ACAP2: variants seen among roughly 807,000 people sequenced by gnomAD.
The protein encoded by ACAP2 is ArfGAP with coiled-coil, ankyrin repeat and PH domains 2.
A neutral mutation model predicts 115.8 loss-of-function variants in ACAP2; 39 were observed. That is an observed-to-expected ratio of 0.34 (90% CI 0.26 to 0.44). The LOEUF (loss-of-function observed/expected upper bound fraction) is 0.44. Ranked by LOEUF, ACAP2 falls within the 20% of genes least tolerant of loss-of-function variation. The probability of loss-of-function intolerance (pLI) is 1.00; values close to 1 mark genes in which losing one functional copy is unlikely to be tolerated. For synonymous variants in ACAP2, 289 were observed against 315.8 expected (o/e 0.92, Z 0.90); for missense variants, 662 against 927.6 (o/e 0.71, Z 3.72).
chr3:195,424,244 GGTGTGTGTGTGTGTGTGTATATA>G (rs1246681103), intron 1 of ACAP2, among the ~76,000 whole-genome samples: 1 of 69,614 alleles, frequency 1.4e-5, no homozygotes, highest in African/African-American at 6.0e-5. Flanking sequence ...GTGTGTGTGT[GGTGTGTGTGTGTGTGTGTATATA>G]TATATATATA....
chr3:195,280,288 A>G (rs1227313176), intron 22 of ACAP2, among the ~76,000 whole-genome samples: 1 of 152,196 alleles, frequency 6.6e-6, no homozygotes, highest in African/African-American at 2.4e-5. Context: ...CCCGGCCAAC[A>G]TGATGAAACC....
intron 22 of ACAP2, among the ~76,000 whole-genome samples, chr3:195,281,131 C>T (rs2108886074): frequency 6.6e-6 from 1 of 152,282 alleles, no homozygotes; most frequent in African/African-American, 2.4e-5. Flanking sequence ...TTTGGCCCGG[C>T]CGGGTGGCTC....
At chr3:195,311,103 G>GT (rs35752425) in intron 10 of ACAP2, among the ~76,000 whole-genome samples, 111,389 of 139,246 alleles carry the variant, frequency 0.8, 44,323 homozygotes, top group Middle Eastern at 0.87. Context: ...TTTTTTTTTT[G>GT]TTTTTTTTTT....
chr3:195,375,482 G>C (rs1311613155), intron 4 of ACAP2, among the ~76,000 whole-genome samples: 2 of 133,274 alleles, frequency 1.5e-5, no homozygotes, highest in Non-Finnish European at 3.1e-5. Context: ...TAAGTGTACA[G>C]CTCTAAATTG....
chr3:195,296,803 T>C (rs1298616236), intron 16 of ACAP2, among the ~76,000 whole-genome samples: 1 of 152,170 alleles, frequency 6.6e-6, no homozygotes, highest in Non-Finnish European at 1.5e-5. Context: ...AAATCTTTGC[T>C]AAATTAAGTA....
chr3:195,398,213 C>T (rs901542875), intron 1 of ACAP2, among the ~76,000 whole-genome samples: 3 of 152,172 alleles, frequency 2.0e-5, no homozygotes, highest in Non-Finnish European at 4.4e-5. Flanking sequence ...TCCAACTCCT[C>T]TAAGAGCCTA....
intron 5 of ACAP2, among the ~76,000 whole-genome samples, chr3:195,342,928 G>A (rs573073783): frequency 3.3e-5 from 5 of 151,802 alleles, no homozygotes; most frequent in South Asian, 2.1e-4. Flanking sequence ...TATGGGAGGC[G>A]GAGGTTGCAG....
chr3:195,295,275 G>C lies in ACAP2; in HGVS notation c.1672+433C>G, dbSNP rs972656536. 6 of 1,291,784 alleles carry C rather than the reference G, an allele frequency of 4.6e-6. No individual in the cohort carries two copies. The African/African-American group carries it at 9.1e-5, about 20-fold the overall frequency. The allele number at this position is 1,291,784 out of a possible 1,614,324, so 80.0% of individuals were successfully genotyped here. A position where few individuals can be genotyped will look rare whatever the true frequency, so the allele number is the denominator to read the frequency against. ...CAGGACAAAACAGAGACTCCCGCCT[G>C]GCCTCGTCGCTATTTACAGCAATCA... On this transcript the variant is annotated intron_variant, in intron 17 of 22. Transcript: ENST00000326793.
intron 1 of ACAP2, among the ~76,000 whole-genome samples, chr3:195,400,682 G>C (rs1359322977): frequency 6.6e-6 from 1 of 152,158 alleles, no homozygotes; most frequent in Admixed American, 6.5e-5. Context: ...GTTATTAGTA[G>C]AGTGTCACAG....
At chr3:195,383,733 T>C (rs550000771) in intron 2 of ACAP2, among the ~76,000 whole-genome samples, 18 of 151,800 alleles carry the variant, frequency 1.2e-4, no homozygotes, top group Non-Finnish European at 2.4e-4. Context: ...AATATTAAGA[T>C]AAATCACAAA....
chr3:195,440,479 G>T (rs1715912733), intron 1 of ACAP2, among the ~76,000 whole-genome samples: 1 of 152,136 alleles, frequency 6.6e-6, no homozygotes, highest in South Asian at 2.1e-4. Flanking sequence ...GCACACACTA[G>T]ACTTAAATGC....
chr3:195,281,661 G>A (rs1726521804), intron 22 of ACAP2, among the ~76,000 whole-genome samples: 1 of 152,082 alleles, frequency 6.6e-6, no homozygotes, highest in Non-Finnish European at 1.5e-5. Context: ...TTGATACGTT[G>A]GAACAGCTGG....
At chr3:195,332,990 T>C (rs1176984342) in intron 8 of ACAP2, 38 bp downstream of exon 8, 5 of 1,434,178 alleles carry the variant, frequency 3.5e-6, no homozygotes, top group Non-Finnish European at 4.9e-6. Context: ...CAAATACCAA[T>C]GTATAAAACA....
Position 195,307,258 on chromosome 3 carries a change from C to T in ACAP2, c.975G>A (p.Glu325=). 3 of 1,613,558 alleles carry T rather than the reference C, an allele frequency of 1.9e-6. No homozygotes were observed. Among genetic ancestry groups the T allele is most frequent in the Non-Finnish European group, 1.7e-6 (2 of 1,179,648 alleles). ...AGACCACCTCAAAGCAGAATCGTCG[C>T]TCTATGTCTTCACAATGTTTCACTG... The part of the protein sequence containing the change: ...LCTVKHCEDI[E]RRFCFEVVSP... The change falls in exon 12 of 23, where the codon GAG becomes GAA. Residue 325 remains glutamate, a synonymous_variant. Coordinates refer to ENST00000326793, the MANE Select transcript of ACAP2 (RefSeq NM_012287.6).
chr3:195,308,702 A>G, intron 11 of ACAP2, 84 bp downstream of exon 11: 1 of 1,066,734 alleles, frequency 9.4e-7, no homozygotes, highest in Admixed American at 2.3e-5. Context: ...TACACAAATG[A>G]GTATGTATAG....
chr3:195,379,561 G>T (rs1733808859), intron 4 of ACAP2, among the ~76,000 whole-genome samples: 1 of 152,212 alleles, frequency 6.6e-6, no homozygotes, highest in Non-Finnish European at 1.5e-5. Flanking sequence ...TGGAGGCTGA[G>T]GCGGGAGGAC....
intron 4 of ACAP2, among the ~76,000 whole-genome samples, chr3:195,372,769 A>AT (rs933841205): frequency 2.6e-5 from 4 of 152,246 alleles, no homozygotes; most frequent in African/African-American, 7.2e-5. Context: ...AGCTCTGATC[A>AT]TACCACTGTA....
intron 1 of ACAP2, among the ~76,000 whole-genome samples, chr3:195,439,560 T>A (rs1030467410): frequency 3.3e-5 from 5 of 152,222 alleles, no homozygotes. Context: ...TTATTTATTC[T>A]ACTTTTTATT....
At chr3:195,386,661 G>C (rs925343039) in intron 2 of ACAP2, among the ~76,000 whole-genome samples, 1 of 152,138 alleles carries the variant, frequency 6.6e-6, no homozygotes, top group Non-Finnish European at 1.5e-5. Flanking sequence ...CAAGGGGAGG[G>C]AGAGCATTAG....
Sources: allele counts gnomAD v4.1 joint callset (sites outside exome capture counted in the v4.1 genomes callset), GRCh38; gene constraint gnomAD v4.1.1; transcripts MANE v1.5; gene names NCBI Gene and HGNC (gene_info 2026-07-23, HGNC 2026-07-21).